Variants in WDR33 observed in about 807,000 individuals in gnomAD.
WDR33 encodes the protein pre-mRNA 3' end processing protein WDR33.
In WDR33, 47 loss-of-function variants were observed where a neutral mutation model predicts 164.9. The observed-to-expected ratio is 0.29, with a 90% CI of 0.23 to 0.36. The LOEUF is 0.36. WDR33 is among the 10% of genes least tolerant of loss of function. WDR33 has a pLI of 1.00. For synonymous variants in WDR33, 505 were observed against 589.0 expected, an observed-to-expected ratio of 0.86 and a Z score of 2.06; for missense variants, 1,137 against 1,754.1, an observed-to-expected ratio of 0.65 and a Z score of 6.28.
In WDR33 at chr2:127,703,027, A is replaced by AT. The variant is rs1208196473; in HGVS notation, c.*3295dup. ...TTACAATTTGCAGGCTGATCTTAAG[A>AT]TTTTTTTATATCTAATTGCTGCTGC... On this transcript the variant is annotated 3_prime_UTR_variant, in exon 22 of 22. Transcript: ENST00000322313. 3.0e-5 allele frequency: 5 copies of AT among 166,960 alleles called. No individual in the cohort carries two copies. Among genetic ancestry groups the AT allele is most frequent in the Non-Finnish European group, 7.3e-5 (5 of 68,102 alleles). 10.3% of individuals were successfully genotyped at this position (166,960 alleles called of 1,614,324 possible). A position where few individuals can be genotyped will look rare whatever the true frequency, so the allele number is the denominator to read the frequency against.
Position 127,721,711 on chromosome 2 carries a change from G to A in WDR33, c.1671+125C>T. 2 of 1,007,422 alleles carry A rather than the reference G, an allele frequency of 2.0e-6. No individual in the cohort carries two copies. Among genetic ancestry groups the A allele is most frequent in the Non-Finnish European group, 2.8e-6 (2 of 714,354 alleles). 62.4% of individuals were successfully genotyped at this position (1,007,422 alleles called of 1,614,324 possible). A position where few individuals can be genotyped will look rare whatever the true frequency, so the allele number is the denominator to read the frequency against. On this transcript the variant is annotated intron_variant, in intron 15 of 21. Transcript: ENST00000322313. The surrounding 1 kb of genome is among the most constrained non-coding windows in gnomAD (Gnocchi z 4.9). ...AAACTAGTCTTCTAGCATAGCAACA[G>A]GAAATGGCGGTGTTTGTCAGACCAT...
At chr2:127,727,014 A>G (rs1686587084) in intron 7 of WDR33, among the ~76,000 whole-genome samples, 1 of 152,072 alleles carries the variant, frequency 6.6e-6, no homozygotes, top group African/African-American at 2.4e-5. Flanking sequence ...GCATCTTCTC[A>G]CCTACTTGCC....
intron 7 of WDR33, among the ~76,000 whole-genome samples, chr2:127,732,074 A>AGCTTG (rs1296565954): frequency 6.6e-6 from 1 of 151,386 alleles, no homozygotes; most frequent in Non-Finnish European, 1.5e-5. Context: ...GGTGATGGAG[A>AGCTTG]GCTTGTCTCA....
At chr2:127,765,004 A>G (rs754048951) in intron 5 of WDR33, 25 bp from the exon 6 acceptor site, 1 of 1,610,096 alleles carries the variant, frequency 6.2e-7, no homozygotes, top group Non-Finnish European at 8.5e-7. Context: ...AACATTAATT[A>G]GTAAGGTGCT....
At chr2:127,769,167 A>C (rs1464362437) in intron 2 of WDR33, among the ~76,000 whole-genome samples, 166 bp from the exon 3 acceptor site, 4 of 152,182 alleles carry the variant, frequency 2.6e-5, no homozygotes, top group African/African-American at 7.2e-5. Flanking sequence ...TGCCTTAGAG[A>C]GCTTTCCCTT....
chr2:127,711,731 C>T (rs1285221758), intron 18 of WDR33, among the ~76,000 whole-genome samples: 2 of 134,838 alleles, frequency 1.5e-5, no homozygotes, highest in African/African-American at 5.9e-5. Flanking sequence ...CTGGCCAACC[C>T]TAACTCAACC....
At chr2:127,779,493 T>G (rs1455318163) in intron 1 of WDR33, among the ~76,000 whole-genome samples, 3 of 150,182 alleles carry the variant, frequency 2.0e-5, no homozygotes, top group Non-Finnish European at 4.4e-5. Context: ...AAATAGAACA[T>G]ATGATAGAAC....
intron 1 of WDR33, among the ~76,000 whole-genome samples, chr2:127,772,707 T>C (rs759276445): frequency 5.9e-5 from 9 of 152,208 alleles, no homozygotes; most frequent in Non-Finnish European, 1.3e-4. Flanking sequence ...AAGGTAACAT[T>C]AAGTTTATAT....
intron 4 of WDR33, among the ~76,000 whole-genome samples, chr2:127,766,289 A>T (rs1000462295): frequency 6.6e-6 from 1 of 152,244 alleles, no homozygotes; most frequent in African/African-American, 2.4e-5. Flanking sequence ...ATACAAATAC[A>T]TATGTGCTTA....
At position 127,724,717 on chromosome 2, in the gene WDR33, A is replaced by C. The variant is rs1304837752; in HGVS notation, c.1085+170T>G. ...CTCCTTAATGACTTCCATATCCACA[A>C]ACAGAGGTACATTTTCTATTCCAAG... On this transcript the variant is annotated intron_variant, in intron 10 of 21. Coordinates refer to ENST00000322313, the MANE Select transcript of WDR33 (RefSeq NM_018383.5). This position sits in a 1 kb window ranked among gnomAD's most constrained non-coding sequence, Gnocchi z 4.8. Among the ~76,000 whole-genome samples, 2 of 152,178 alleles carry C rather than the reference A, an allele frequency of 1.3e-5. No homozygotes were observed. The highest frequency in any genetic ancestry group is 2.9e-5 in the Non-Finnish European group (2 of 68,036).
chr2:127,721,988 C>T lies in WDR33; in HGVS notation c.1519G>A (p.Ala507Thr). 1 of 1,610,214 alleles carries T rather than the reference C, an allele frequency of 6.2e-7. No individual in the cohort carries two copies. Among genetic ancestry groups the T allele is most frequent in the Non-Finnish European group, 8.5e-7 (1 of 1,179,306 alleles). Residue 507 changes from alanine to threonine, a missense_variant and splice_region_variant, in exon 15 of 22, where the codon GCT becomes ACT. Transcript: ENST00000322313. This position sits in a 1 kb window ranked among gnomAD's most constrained non-coding sequence, Gnocchi z 4.9. The stretch of plus-strand genomic sequence containing the variant: ...ATTGGAACTTTATTTTGCATCCAAG[C>T]CTTGGGAAAGAAGAGAATATTAAAA... ...AKPIPAQFQQ[A>T]WMQNKVPIPA...
intron 1 of WDR33, among the ~76,000 whole-genome samples, chr2:127,794,009 C>T (rs1201951591): frequency 6.6e-6 from 1 of 151,904 alleles, no homozygotes; most frequent in East Asian, 2.0e-4. Context: ...GTGGCGCACC[C>T]GTGGCCCCAG....
In WDR33 at chr2:127,708,602, A is replaced by G; in HGVS notation, c.3781+75T>C. 1 of 1,445,804 alleles carries G rather than the reference A, an allele frequency of 6.9e-7. No homozygotes were observed. The highest frequency in any genetic ancestry group is 9.3e-7 in the Non-Finnish European group (1 of 1,070,198). 89.6% of individuals were successfully genotyped at this position (1,445,804 alleles called of 1,614,324 possible). On this transcript the variant is annotated intron_variant, in intron 21 of 21. Transcript: ENST00000322313. The surrounding 1 kb of genome is among the most constrained non-coding windows in gnomAD (Gnocchi z 6.7). ...TCTGCACAGCCCAGGCTGCAAGGGC[A>G]TGTGCAGCAGATACAGGCAAGGCCT...
At chr2:127,715,088 C>CTTTTTTT (rs386391178) in intron 17 of WDR33, among the ~76,000 whole-genome samples, 48 of 108,560 alleles carry the variant, frequency 4.4e-4, no homozygotes, top group Middle Eastern at 5.8e-3. Context: ...TTCTTTGTTT[C>CTTTTTTT]TTTTTTTTTT....
chr2:127,748,928 AT>A (rs1440968123), intron 7 of WDR33, among the ~76,000 whole-genome samples: 9 of 151,702 alleles, frequency 5.9e-5, no homozygotes, highest in African/African-American at 2.2e-4. Context: ...AACTACTGGA[AT>A]TATCTGGATA....
At chr2:127,739,658 A>G (rs1454762194) in intron 7 of WDR33, among the ~76,000 whole-genome samples, 2 of 152,238 alleles carry the variant, frequency 1.3e-5, no homozygotes, top group Non-Finnish European at 2.9e-5. Context: ...AAATACATGA[A>G]GCACTTAGCA....
At chr2:127,778,723 G>A (rs1688271431) in intron 1 of WDR33, among the ~76,000 whole-genome samples, 1 of 152,106 alleles carries the variant, frequency 6.6e-6, no homozygotes, top group African/African-American at 2.4e-5. Context: ...GGGAGGCAAG[G>A]GCAGGGGGTG....
intron 1 of WDR33, among the ~76,000 whole-genome samples, chr2:127,810,051 C>A (rs10188214): frequency 7.4e-6 from 1 of 135,180 alleles, no homozygotes; most frequent in Admixed American, 7.4e-5. Context: ...GCTATATATA[C>A]ATACACACAC....
chr2:127,808,079 A>C (rs1689501454), intron 1 of WDR33, among the ~76,000 whole-genome samples: 1 of 152,244 alleles, frequency 6.6e-6, no homozygotes, highest in Admixed American at 6.5e-5. Flanking sequence ...AGGAGTGATT[A>C]ACTTATCAGA....
Sources: gnomAD v4.1 joint callset for allele counts (sites outside exome capture counted in the v4.1 genomes callset) on GRCh38, gnomAD v4.1.1 for gene constraint, Gnocchi (gnomAD v3.1) non-coding constraint, MANE v1.5 for transcripts, NCBI Gene and HGNC (gene_info 2026-07-23, HGNC 2026-07-21) for gene names.